CACNA1A: variants seen among roughly 807,000 people sequenced by gnomAD.
The protein encoded by CACNA1A is calcium voltage-gated channel subunit alpha1 A.
In CACNA1A, 57 loss-of-function variants were observed where a neutral mutation model predicts 262.4. The observed-to-expected ratio is 0.22, with a 90% CI of 0.18 to 0.27. The LOEUF is 0.27. Among genes scored for constraint, CACNA1A ranks in the 10% least tolerant of loss-of-function variants. The probability of loss-of-function intolerance (pLI) is 1.00; values close to 1 mark genes in which losing one functional copy is unlikely to be tolerated. For synonymous variants in CACNA1A, 1,431 were observed against 1,419.3 expected (o/e 1.01, Z -0.18); for missense variants, 2,526 against 3,562.8 (o/e 0.71, Z 7.41).
intron 22 of CACNA1A, among the ~76,000 whole-genome samples, chr19:13,280,696 T>C (rs1211020911): frequency 1.3e-5 from 2 of 152,020 alleles, no homozygotes; most frequent in Admixed American, 1.3e-4. Flanking sequence ...ATCCCAGCAC[T>C]TTGGGAGGCC....
At chr19:13,263,017 G>A (rs1171526519) in intron 24 of CACNA1A, 184 bp from the exon 25 acceptor site, 3 of 594,664 alleles carry the variant, frequency 5.0e-6, no homozygotes, top group South Asian at 3.8e-5. Flanking sequence ...TTGGGCTCGG[G>A]AGCCAGTAAG....
chr19:13,328,957 C>G (rs2058419331), intron 10 of CACNA1A, among the ~76,000 whole-genome samples: 1 of 152,008 alleles, frequency 6.6e-6, no homozygotes, highest in Non-Finnish European at 1.5e-5. Context: ...CTTTCTTCCT[C>G]TAAACTGCGG....
chr19:13,371,845 G>A, intron 3 of CACNA1A, 66 bp from the exon 4 acceptor site: 3 of 1,189,366 alleles, frequency 2.5e-6, no homozygotes, highest in South Asian at 1.3e-5. Flanking sequence ...CAGGGCGGGG[G>A]TGCTTGGGAT....
In CACNA1A at chr19:13,317,272, C is replaced by A. The variant is rs374307014; in HGVS notation, c.1395G>T (p.Ser465=). 3 of 1,612,548 alleles carry A rather than the reference C, an allele frequency of 1.9e-6. No individual in the cohort carries two copies. Among genetic ancestry groups the A allele is most frequent in the African/African-American group, 2.7e-5 (2 of 74,890 alleles). ...TCCTCTCCTTTTTGTGAAAAAAGGTCGAGTTCTCCAGCTTGGCACTTTTAA... is the reference window on the plus strand; with the variant it reads ...TCCTCTCCTTTTTGTGAAAAAAGGTAGAGTTCTCCAGCTTGGCACTTTTAA... ...ASIKSAKLEN[S]TFFHKKERRM... Residue 465 remains serine (S), a synonymous_variant, in exon 11 of 47, where the codon TCG becomes TCT. Transcript: ENST00000360228.
At chr19:13,464,627 C>A (rs2061190320) in intron 1 of CACNA1A, among the ~76,000 whole-genome samples, 1 of 149,660 alleles carries the variant, frequency 6.7e-6, no homozygotes, top group South Asian at 2.1e-4. Context: ...CGGCTCACTG[C>A]AAGCTCCGCC....
At chr19:13,274,960 T>A (rs896631788) in intron 24 of CACNA1A, 1 of 151,040 alleles carries the variant, frequency 6.6e-6, no homozygotes, top group African/African-American at 2.4e-5. Context: ...TCAGAGGCCA[T>A]CTTGGAATAG....
intron 6 of CACNA1A, among the ~76,000 whole-genome samples, chr19:13,340,878 G>T (rs1466109733): frequency 6.6e-6 from 1 of 152,102 alleles, no homozygotes; most frequent in African/African-American, 2.4e-5. Flanking sequence ...CATTAGGGTG[G>T]AACCTCATCC....
chr19:13,259,829 T>A, intron 26 of CACNA1A, 128 bp from the exon 27 acceptor site: 1 of 905,630 alleles, frequency 1.1e-6, no homozygotes, highest in Non-Finnish European at 1.7e-6. Flanking sequence ...TGGGAAGCAG[T>A]GACTCCCCAT....
Position 13,206,669 on chromosome 19 carries a change from G to A in CACNA1A, c.*644C>T, listed in dbSNP as rs1279631235. The A allele has an allele frequency of 1.8e-5, 2 of 110,022 alleles. No individual in the cohort carries two copies. The highest frequency in any genetic ancestry group is 3.5e-5 in the Non-Finnish European group (2 of 56,722). The allele number at this position is 110,022 out of a possible 1,614,324, so 6.8% of individuals were successfully genotyped here. On this transcript the variant is annotated 3_prime_UTR_variant, in exon 47 of 47. Coordinates refer to ENST00000360228, the MANE Select transcript of CACNA1A (RefSeq NM_001127222.2). ...TAATTTTTTTGTCCTTTTTAAAATT[G>A]TTTATTGTTATTATTATTTTTTTAA...
chr19:13,283,906 C>T (rs1350760600), intron 21 of CACNA1A: 1 of 152,120 alleles, frequency 6.6e-6, no homozygotes, highest in East Asian at 1.9e-4. Flanking sequence ...ATCATGAGAC[C>T]CAAGACTTAA....
intron 10 of CACNA1A, among the ~76,000 whole-genome samples, chr19:13,329,961 A>C (rs1457030137): frequency 2.6e-5 from 4 of 152,158 alleles, no homozygotes; most frequent in Non-Finnish European, 5.9e-5. Flanking sequence ...AATGAGTCAC[A>C]AACATTCACC....
chr19:13,298,750 G>T lies in CACNA1A; in HGVS notation c.2883C>A (p.His961Gln). 2.6e-6 allele frequency: 4 copies of T among 1,510,606 alleles called. No individual in the cohort carries two copies. The highest frequency in any genetic ancestry group is 3.5e-6 in the Non-Finnish European group (4 of 1,136,390). 93.6% of individuals were successfully genotyped at this position (1,510,606 alleles called of 1,614,324 possible). ...ADGEHRRHRA[H>Q]RRPGEEGPED... ...CCGGACCCTCCTCCCCGGGCCTGCG[G>T]TGCGCGCGATGACGTCGATGCTCCC... The change falls in exon 19 of 47, where the codon CAC (histidine) becomes CAA (glutamine). Residue 961 changes from histidine (H) to glutamine (Q), a missense_variant. Transcript: ENST00000360228.
In CACNA1A at chr19:13,231,915, C is replaced by T. The variant is rs144170644; in HGVS notation, c.5250-55G>A. ...ACACCCAGCCCTGACTGGGTACCAACGCCTCCCCAGGAGGTGGAGCACACA... is the reference window on the plus strand; with the variant it reads ...ACACCCAGCCCTGACTGGGTACCAATGCCTCCCCAGGAGGTGGAGCACACA... On this transcript the variant is annotated intron_variant, in intron 34 of 46. Coordinates refer to ENST00000360228, the MANE Select transcript of CACNA1A (RefSeq NM_001127222.2). The T allele has an allele frequency of 1.9e-3, 3,040 of 1,563,304 alleles. 51 individuals carry two copies. In the African/African-American group the frequency reaches 0.035, roughly 18 times the overall value.
At chr19:13,279,388 C>G (rs77189297) in intron 22 of CACNA1A, among the ~76,000 whole-genome samples, 4 of 152,228 alleles carry the variant, frequency 2.6e-5, no homozygotes, top group East Asian at 1.9e-4. Context: ...CCCAGCAGAT[C>G]GGCCAAATGA....
intron 1 of CACNA1A, among the ~76,000 whole-genome samples, chr19:13,479,637 G>A (rs559428689): frequency 3.9e-5 from 6 of 152,248 alleles, no homozygotes; most frequent in Non-Finnish European, 5.9e-5. Flanking sequence ...ACGAAGAGAG[G>A]GAAGAGGAGG....
chr19:13,208,035 CACTTACGGA>C lies in CACNA1A; in HGVS notation c.6790_6798del (p.Ser2264_Ser2266del). Reference sequence around the variant, plus strand: ...CCAGATGTTGAGGGGGCTGGGCTTCCACTTACGGAACTACTGCCCTACACGAAAATTGAA... The same window carrying C: ...CCAGATGTTGAGGGGGCTGGGCTTCCACTACTGCCCTACACGAAAATTGAA... On this transcript the variant is annotated inframe_deletion, in exon 47 of 47. Transcript: ENST00000360228. 1 of 1,301,038 alleles carries C rather than the reference CACTTACGGA, an allele frequency of 7.7e-7. No homozygotes were observed. The highest frequency in any genetic ancestry group is 2.5e-5 in the South Asian group (1 of 40,722). 80.6% of individuals were successfully genotyped at this position (1,301,038 alleles called of 1,614,324 possible).
rs1238183270 is a variant in CACNA1A, at chr19:13,308,317, C to T, written c.1782-66G>A. On this transcript the variant is annotated intron_variant, in intron 13 of 46. Transcript: ENST00000360228. This position sits in a 1 kb window ranked among gnomAD's most constrained non-coding sequence, Gnocchi z 4.2. ...GAGGCAGGGCCCCGGAGTCAGCCCT[C>T]GAAACACGAGGCTCACTTTCCCAAC... 7.6e-6 allele frequency: 12 copies of T among 1,573,074 alleles called. No homozygotes were observed. The highest frequency in any genetic ancestry group is 2.3e-5 in the South Asian group (2 of 85,916).
chr19:13,236,035 G>A lies in CACNA1A; in HGVS notation c.4951-305C>T, dbSNP rs1053088450. ...GAAAAAGAAAGGAGGAAAAAGGAAC[G>A]GGGATGGGGAAGAAATAACAAAAGA... On this transcript the variant is annotated intron_variant, in intron 31 of 46. Transcript: ENST00000360228. The surrounding 1 kb of genome is among the most constrained non-coding windows in gnomAD (Gnocchi z 4.6). 3 of 331,872 alleles carry A rather than the reference G, an allele frequency of 9.0e-6. No individual in the cohort carries two copies. The highest frequency in any genetic ancestry group is 4.7e-5 in the Admixed American group (1 of 21,346). The allele number at this position is 331,872 out of a possible 1,614,324, so 20.6% of individuals were successfully genotyped here. A position where few individuals can be genotyped will look rare whatever the true frequency, so the allele number is the denominator to read the frequency against.
chr19:13,372,658 G>A (rs1374986333), intron 3 of CACNA1A, among the ~76,000 whole-genome samples: 1 of 152,152 alleles, frequency 6.6e-6, no homozygotes, highest in African/African-American at 2.4e-5. Flanking sequence ...ACCTCCAAGG[G>A]TTGTGAGGAT....
Sources: allele counts gnomAD v4.1 joint callset (sites outside exome capture counted in the v4.1 genomes callset), GRCh38; gene constraint gnomAD v4.1.1; non-coding constraint Gnocchi (gnomAD v3.1); transcripts MANE v1.5; gene names NCBI Gene and HGNC (gene_info 2026-07-23, HGNC 2026-07-21).